Variants in KATNA1 observed in about 807,000 individuals in gnomAD.
The protein encoded by KATNA1 is katanin catalytic subunit A1.
In KATNA1, 42 loss-of-function variants were observed where a neutral mutation model predicts 62.6. That is an observed-to-expected ratio of 0.67 (90% confidence interval 0.52 to 0.87). KATNA1 has a LOEUF of 0.87. KATNA1 is among the 40% of genes least tolerant of loss of function. The probability of loss-of-function intolerance (pLI) is 0.00; values close to 1 mark genes in which losing one functional copy is unlikely to be tolerated. For synonymous variants in KATNA1, 186 were observed against 201.9 expected (o/e 0.92, Z 0.67); for missense variants, 498 against 612.5 (o/e 0.81, Z 1.97).
chr6:149,604,689 T>A lies in KATNA1; in HGVS notation c.595A>T (p.Ile199Leu), dbSNP rs1484527024. Reference sequence around the variant, plus strand: ...CGAACATTGGGATTCTGGGAAATTATATCTCTTTCCAAAGCTTCTACTAAG... The same window carrying A: ...CGAACATTGGGATTCTGGGAAATTAAATCTCTTTCCAAAGCTTCTACTAAG... ...KDLVEALERDIISQNPNVRWD... is the reference protein window; with the variant it reads ...KDLVEALERDLISQNPNVRWD... The change falls in exon 5 of 11, where the codon ATA becomes TTA. Residue 199 changes from isoleucine (I) to leucine (L), a missense_variant. Around this residue, in one of 3 missense-constraint regions of KATNA1, gnomAD observed 203 missense variants for 198.4 expected, o/e 1.02. Coordinates refer to ENST00000367411, the MANE Select transcript of KATNA1 (RefSeq NM_007044.4). 4 of 1,613,510 alleles carry A rather than the reference T, an allele frequency of 2.5e-6. No homozygotes were observed. Among genetic ancestry groups the A allele is most frequent in the Non-Finnish European group, 3.4e-6 (4 of 1,179,412 alleles).
intron 4 of KATNA1, among the ~76,000 whole-genome samples, chr6:149,605,513 C>G (rs1444816779): frequency 6.6e-6 from 1 of 152,138 alleles, no homozygotes; most frequent in East Asian, 1.9e-4. Flanking sequence ...CCACTACCCT[C>G]CAAAAGACAC....
chr6:149,631,745 A>T (rs1333766509), intron 3 of KATNA1, among the ~76,000 whole-genome samples: 3 of 152,152 alleles, frequency 2.0e-5, no homozygotes, highest in South Asian at 4.1e-4. Flanking sequence ...CAAACTAGGA[A>T]ATCTATTATG....
chr6:149,630,359 T>C (rs912446628), intron 3 of KATNA1, among the ~76,000 whole-genome samples: 2 of 152,220 alleles, frequency 1.3e-5, no homozygotes, highest in Non-Finnish European at 2.9e-5. Flanking sequence ...CTGGGTGCGG[T>C]GGCTCACGCC....
At chr6:149,630,884 C>T (rs1471966520) in intron 3 of KATNA1, among the ~76,000 whole-genome samples, 2 of 152,130 alleles carry the variant, frequency 1.3e-5, no homozygotes, top group Non-Finnish European at 2.9e-5. Flanking sequence ...GCTTTGTAAT[C>T]ATTATTATAA....
intron 4 of KATNA1, among the ~76,000 whole-genome samples, chr6:149,607,096 C>G (rs1778767759): frequency 6.6e-6 from 1 of 152,172 alleles, no homozygotes; most frequent in Non-Finnish European, 1.5e-5. Context: ...AGGGAAGATA[C>G]AAATATAAGG....
chr6:149,607,543 C>T (rs1241824363), intron 4 of KATNA1, among the ~76,000 whole-genome samples: 1 of 152,108 alleles, frequency 6.6e-6, no homozygotes, highest in African/African-American at 2.4e-5. Flanking sequence ...ACCCAGGAGG[C>T]GGAGGTTACA....
rs552085800 is a variant in KATNA1, at chr6:149,599,666, C to T, written c.889-1316G>A. On this transcript the variant is annotated intron_variant, in intron 7 of 10. Transcript: ENST00000367411. ...CCAAGTAGCTGGGATTACAGGTGCA[C>T]GCCACCACACCTGGCTAATTTTTGT... Among the ~76,000 whole-genome samples the T allele has an allele frequency of 3.9e-5, 6 of 152,008 alleles. No individual in the cohort carries two copies. The East Asian group carries it at 7.7e-4, about 20-fold the overall frequency.
intron 8 of KATNA1, 110 bp downstream of exon 8, chr6:149,598,114 C>T (rs1161260746): frequency 1.2e-5 from 14 of 1,176,650 alleles, no homozygotes; most frequent in Non-Finnish European, 1.5e-5. Context: ...GTTAAGAATA[C>T]CTATTAAAAG....
At chr6:149,597,883 C>A (rs1778387821) in intron 8 of KATNA1, among the ~76,000 whole-genome samples, 1 of 152,162 alleles carries the variant, frequency 6.6e-6, no homozygotes, top group Admixed American at 6.5e-5. Flanking sequence ...ATCTCAAATA[C>A]ATAACAATTT....
At chr6:149,625,829 G>T (rs1779583712) in intron 3 of KATNA1, among the ~76,000 whole-genome samples, 1 of 151,672 alleles carries the variant, frequency 6.6e-6, no homozygotes, top group African/African-American at 2.4e-5. Flanking sequence ...AGCTACTTGG[G>T]AGGCTGAGGC....
chr6:149,625,933 C>CAAAAAAAAAAAAAAAA (rs200316485), intron 3 of KATNA1, among the ~76,000 whole-genome samples: 2 of 137,490 alleles, frequency 1.5e-5, no homozygotes, highest in African/African-American at 5.2e-5. Flanking sequence ...GACTCCATCT[C>CAAAAAAAAAAAAAAAA]AAAAAAAAAA....
chr6:149,621,480 C>T (rs1361438379), intron 4 of KATNA1, among the ~76,000 whole-genome samples: 2 of 151,086 alleles, frequency 1.3e-5, no homozygotes, highest in East Asian at 2.0e-4. Flanking sequence ...AATGGTATGC[C>T]TGCCAAAAAT....
At position 149,598,346 on chromosome 6, in the gene KATNA1, C is replaced by A; in HGVS notation, c.893G>T (p.Arg298Leu). ...KLVRLLFEMA[R>L]FYSPATIFID... ...AAATATGGTGGCTGGAGAATAAAATCGAGCCTAAAGGAAGAAACCATGCAA... is the reference window on the plus strand; with the variant it reads ...AAATATGGTGGCTGGAGAATAAAATAGAGCCTAAAGGAAGAAACCATGCAA... Residue 298 changes from arginine to leucine, a missense_variant, in exon 8 of 11, where the codon CGA (arginine) becomes CTA (leucine). Around this residue, in one of 3 missense-constraint regions of KATNA1, gnomAD observed 267 missense variants for 372.6 expected, o/e 0.72. Coordinates refer to ENST00000367411, the MANE Select transcript of KATNA1 (RefSeq NM_007044.4). 3 of 1,613,430 alleles carry A rather than the reference C, an allele frequency of 1.9e-6. No individual in the cohort carries two copies. The highest frequency in any genetic ancestry group is 2.5e-6 in the Non-Finnish European group (3 of 1,179,702).
intron 4 of KATNA1, among the ~76,000 whole-genome samples, chr6:149,610,913 C>T (rs766826947): frequency 1.2e-4 from 18 of 152,080 alleles, no homozygotes; most frequent in South Asian, 8.3e-4. Flanking sequence ...GGCAAAACCC[C>T]GTCTCTTCTA....
chr6:149,633,655 C>A (rs1179433257), intron 2 of KATNA1, among the ~76,000 whole-genome samples: 1 of 151,856 alleles, frequency 6.6e-6, no homozygotes, highest in Non-Finnish European at 1.5e-5. Context: ...ATCTCTTGAG[C>A]CCAGGAGATG....
chr6:149,603,732 T>TA (rs1328215345), intron 5 of KATNA1, among the ~76,000 whole-genome samples: 2 of 151,670 alleles, frequency 1.3e-5, no homozygotes, highest in Non-Finnish European at 2.9e-5. Flanking sequence ...ATTTTAAAAC[T>TA]AAAAAAAAGC....
intron 4 of KATNA1, among the ~76,000 whole-genome samples, chr6:149,612,960 T>C (rs1036417161): frequency 6.6e-6 from 1 of 151,756 alleles, no homozygotes; most frequent in Non-Finnish European, 1.5e-5. Flanking sequence ...ATCCTCAACC[T>C]GATAAAGAGT....
intron 4 of KATNA1, among the ~76,000 whole-genome samples, chr6:149,615,654 A>C (rs954379448): frequency 6.6e-6 from 1 of 152,064 alleles, no homozygotes; most frequent in African/African-American, 2.4e-5. Flanking sequence ...CAGGGTGTGC[A>C]CCTATAGTCT....
chr6:149,626,756 G>A (rs1449688714), intron 3 of KATNA1, among the ~76,000 whole-genome samples: 23 of 151,478 alleles, frequency 1.5e-4, no homozygotes, highest in Admixed American at 1.5e-3. Flanking sequence ...GGCTGAGGCA[G>A]GTGGATCACC....
Sources: allele counts gnomAD v4.1 joint callset (sites outside exome capture counted in the v4.1 genomes callset), GRCh38; gene constraint gnomAD v4.1.1; regional missense constraint gnomAD v4.1.1; transcripts MANE v1.5; gene names NCBI Gene and HGNC (gene_info 2026-07-23, HGNC 2026-07-21).